Variants in DRC4 observed in about 807,000 individuals in gnomAD.
DRC4 encodes dynein regulatory complex subunit 4, also known as GAS-11.
At chr16:90,044,188 A>G in the DRC4 span, 3 of 454,594 alleles carry the variant, frequency 6.6e-6, no homozygotes, top group South Asian at 1.6e-5. Flanking sequence ...GGGGTGAGGC[A>G]GTGAGGTTAG....
the DRC4 span, among the ~76,000 whole-genome samples, chr16:90,025,173 C>T: frequency 0.14 from 21,388 of 150,662 alleles, 2,474 homozygotes; most frequent in East Asian, 0.62. Flanking sequence ...CCCGCCACCA[C>T]GCCTGGCTAA....
chr16:90,035,901 T>G, the DRC4 span: 1 of 1,453,482 alleles, frequency 6.9e-7, no homozygotes, highest in South Asian at 1.4e-5. Flanking sequence ...AGGCTGTGAT[T>G]ACCACACACA....
At chr16:90,033,567 G>C in the DRC4 span, among the ~76,000 whole-genome samples, 1 of 152,252 alleles carries the variant, frequency 6.6e-6, no homozygotes, top group Admixed American at 6.5e-5. Flanking sequence ...TTGGGAGGCT[G>C]AGGCGGGAGG....
chr16:90,019,886 G>A, the DRC4 span: 6 of 526,256 alleles, frequency 1.1e-5, no homozygotes, highest in Non-Finnish European at 1.8e-5. The surrounding 1 kb of genome is among the most constrained non-coding windows in gnomAD (Gnocchi z 6.1). Flanking sequence ...TGGATGGCGC[G>A]AATTAACGCG....
the DRC4 span, among the ~76,000 whole-genome samples, chr16:90,020,359 C>T: frequency 1.3e-5 from 2 of 152,016 alleles, no homozygotes; most frequent in Non-Finnish European, 2.9e-5. Flanking sequence ...CATAAACACT[C>T]TTGTTAACCC....
the DRC4 span, chr16:90,044,175 T>G: frequency 8.8e-6 from 4 of 454,742 alleles, no homozygotes; most frequent in Non-Finnish European, 1.8e-5. Context: ...GCGGCTCCAG[T>G]GTGGGGTGAG....
chr16:90,043,622 A>C, the DRC4 span: 2 of 585,520 alleles, frequency 3.4e-6, no homozygotes, highest in Non-Finnish European at 6.6e-6. Context: ...AGTCGGCGGC[A>C]CCTTCTCAGA....
chr16:90,043,783 G>A, the DRC4 span: 1 of 471,674 alleles, frequency 2.1e-6, no homozygotes, highest in Non-Finnish European at 4.4e-6. Flanking sequence ...ATTCTCCAGG[G>A]GGCCGGGACT....
At chr16:90,028,485 G>A in the DRC4 span, among the ~76,000 whole-genome samples, 79 of 152,248 alleles carry the variant, frequency 5.2e-4, no homozygotes, top group Non-Finnish European at 9.0e-4. Flanking sequence ...ACCACGCCTG[G>A]CCAGTCATTC....
At chr16:90,026,378 G>A in the DRC4 span, among the ~76,000 whole-genome samples, 1 of 152,168 alleles carries the variant, frequency 6.6e-6, no homozygotes, top group South Asian at 2.1e-4. Context: ...CCGTCTGGCA[G>A]CCCATTTACA....
chr16:90,029,541 C>T, the DRC4 span: 17,357 of 327,556 alleles, frequency 0.053, 568 homozygotes, highest in East Asian at 0.13. Flanking sequence ...AGGTCTGTGA[C>T]GTGAAGACAT....
the DRC4 span, chr16:90,036,669 A>C: frequency 8.3e-7 from 1 of 1,211,098 alleles, no homozygotes; most frequent in African/African-American, 1.5e-5. Flanking sequence ...TCCAGACCCC[A>C]GCTCTCCACC....
the DRC4 span, among the ~76,000 whole-genome samples, chr16:90,028,443 C>T: frequency 6.6e-6 from 1 of 152,100 alleles, no homozygotes; most frequent in Non-Finnish European, 1.5e-5. Context: ...TCGCCTCGGC[C>T]TCCCAAAGTG....
the DRC4 span, chr16:90,022,670 G>C: frequency 1.4e-6 from 2 of 1,418,534 alleles, no homozygotes; most frequent in Non-Finnish European, 1.9e-6. Flanking sequence ...CGTGGCTTCC[G>C]GGGGCGGGCG....
the DRC4 span, among the ~76,000 whole-genome samples, chr16:90,034,021 G>A: frequency 6.6e-6 from 1 of 151,972 alleles, no homozygotes; most frequent in Non-Finnish European, 1.5e-5. Context: ...CGTCCGCCTC[G>A]AAAGCCGTGG....
At chr16:90,020,228 G>A in the DRC4 span, 14 of 448,384 alleles carry the variant, frequency 3.1e-5, 1 homozygote, top group Admixed American at 4.7e-4. Context: ...TGTAATCCCA[G>A]CCCTTTGGGA....
chr16:90,027,364 AG>A, the DRC4 span, among the ~76,000 whole-genome samples: 1 of 152,318 alleles, frequency 6.6e-6, no homozygotes, highest in Admixed American at 6.5e-5. Flanking sequence ...CTGGGATTAC[AG>A]GCGTGAGCCA....
At chr16:90,038,981 C>G in the DRC4 span, among the ~76,000 whole-genome samples, 1 of 152,182 alleles carries the variant, frequency 6.6e-6, no homozygotes, top group African/African-American at 2.4e-5. Flanking sequence ...GAACACAAAC[C>G]GTTGTAGTGG....
At chr16:90,042,574 C>CGAGGG in the DRC4 span, 2 of 1,543,126 alleles carry the variant, frequency 1.3e-6, no homozygotes, top group Non-Finnish European at 8.9e-7. Flanking sequence ...GGCACCCCCT[C>CGAGGG]GGTGCCCAGA....
Sources: gnomAD v4.1 joint callset for allele counts (sites outside exome capture counted in the v4.1 genomes callset) on GRCh38, gnomAD v4.1.1 for gene constraint, Gnocchi (gnomAD v3.1) non-coding constraint, MANE v1.5 for transcripts, NCBI Gene and HGNC (gene_info 2026-07-23, HGNC 2026-07-21) for gene names.